The following XPO4 variants were observed in gnomAD, a reference collection of about 807,000 sequenced individuals.
XPO4 encodes exportin 4, also known as exportin-4.
A neutral mutation model predicts 143.0 loss-of-function variants in XPO4; 39 were observed. The observed-to-expected ratio is 0.27, with a 90% CI of 0.21 to 0.36. The LOEUF is 0.36. Among genes scored for constraint, XPO4 ranks in the 10% least tolerant of loss-of-function variants. XPO4 has a pLI of 1.00. For synonymous variants in XPO4, 439 were observed against 474.0 expected, an observed-to-expected ratio of 0.93 and a Z score of 0.96; for missense variants, 907 against 1,348.0, an observed-to-expected ratio of 0.67 and a Z score of 5.12.
intron 4 of XPO4, chr13:20,851,727 A>AAAAAAAAG (rs1555339515): frequency 2.4e-6 from 2 of 843,370 alleles, no homozygotes; most frequent in African/African-American, 4.7e-5. Context: ...AAAAAAAAAA[A>AAAAAAAAG]AAAGAAAGAA....
Position 20,836,909 on chromosome 13 carries a change from T to C in XPO4, c.727+5986A>G, listed in dbSNP as rs568292383. Among the ~76,000 whole-genome samples, 7 of 152,356 alleles carry C rather than the reference T, an allele frequency of 4.6e-5. No individual in the cohort carries two copies. The East Asian group carries it at 9.6e-4, about 21-fold the overall frequency. On this transcript the variant is annotated intron_variant, in intron 6 of 22. Coordinates refer to ENST00000255305, the MANE Select transcript of XPO4 (RefSeq NM_022459.5). ...GCCCATCCTGGACATTTCATAAATA[T>C]GTTATCATATAATTTGTGGTCTTTT...
At chr13:20,859,787 A>T in intron 3 of XPO4, 11 of 816,202 alleles carry the variant, frequency 1.3e-5, no homozygotes, top group Non-Finnish European at 1.2e-5. Context: ...AAAAAAATTA[A>T]AAAAAAAAAA....
At position 20,799,350 on chromosome 13, in the gene XPO4, A is replaced by G. The variant is rs774621149; in HGVS notation, c.2148-11T>C. 1.7e-5 allele frequency: 27 copies of G among 1,610,404 alleles called. 1 individual carries two copies. In the South Asian group the frequency reaches 2.9e-4, roughly 17 times the overall value. ...ATTACTAAGTTTGCCCTACAGGTAG[A>G]AATAACAAAACATAAGATGTATTAC... On this transcript the variant is annotated splice_polypyrimidine_tract_variant and intron_variant, in intron 15 of 22. Coordinates refer to ENST00000255305, the MANE Select transcript of XPO4 (RefSeq NM_022459.5).
intron 14 of XPO4, 111 bp from the exon 15 acceptor site, chr13:20,800,436 T>A (rs1189115963): frequency 8.9e-6 from 9 of 1,012,156 alleles, no homozygotes; most frequent in Admixed American, 5.3e-5. Context: ...TAGTGCTTAC[T>A]TCACATCAAC....
intron 1 of XPO4, chr13:20,869,445 A>AAATAC: frequency 4.6e-6 from 4 of 866,332 alleles, no homozygotes; most frequent in Non-Finnish European, 5.5e-6. Context: ...TAAGACTTAC[A>AAATAC]AATACTTAAT....
intron 1 of XPO4, among the ~76,000 whole-genome samples, chr13:20,873,099 T>G (rs987370341): frequency 9.5e-5 from 6 of 63,304 alleles, no homozygotes; most frequent in African/African-American, 2.5e-4. Context: ...TCCAAGGATC[T>G]TCAAAAAAAA....
intron 4 of XPO4, among the ~76,000 whole-genome samples, chr13:20,847,124 A>G (rs904814793): frequency 1.3e-5 from 2 of 152,204 alleles, no homozygotes; most frequent in Non-Finnish European, 2.9e-5. Context: ...TAATCATACT[A>G]CACTAGTCTG....
At chr13:20,902,609 G>A (rs2060632571) in intron 1 of XPO4, 61 bp downstream of exon 1, 7 of 1,491,782 alleles carry the variant, frequency 4.7e-6, no homozygotes, top group Non-Finnish European at 6.3e-6. Context: ...GCAAGGCCTG[G>A]AGTGGCAGGG....
At chr13:20,800,124 C>G in intron 15 of XPO4, 32 bp downstream of exon 15, 1 of 1,612,226 alleles carries the variant, frequency 6.2e-7, no homozygotes, top group Non-Finnish European at 8.5e-7. Context: ...CACACACATA[C>G]ACACACAGTC....
At chr13:20,885,306 C>T (rs1299550513) in intron 1 of XPO4, among the ~76,000 whole-genome samples, 2 of 152,090 alleles carry the variant, frequency 1.3e-5, no homozygotes, top group African/African-American at 2.4e-5. Flanking sequence ...ACAGAATATA[C>T]ATATTATCTT....
intron 2 of XPO4, chr13:20,866,112 G>T (rs1196468388): frequency 4.1e-6 from 4 of 985,004 alleles, no homozygotes; most frequent in Admixed American, 6.2e-5. Flanking sequence ...GAACTCACTT[G>T]TTTTTTTAAA....
Position 20,800,954 on chromosome 13 carries a change from T to C in XPO4, c.1854A>G (p.Glu618=). Residue 618 remains glutamate (E), a synonymous_variant, in exon 14 of 23, where the codon GAA becomes GAG. Coordinates refer to ENST00000255305, the MANE Select transcript of XPO4 (RefSeq NM_022459.5). Reference sequence around the variant, plus strand: ...TGAGATCTGCTCTTATTGCTCGAGATTCAACTTCTGAAACTCTGAGAATGG... The same window carrying C: ...TGAGATCTGCTCTTATTGCTCGAGACTCAACTTCTGAAACTCTGAGAATGG... ...LSAILRVSEV[E]SRAIRADLTH... is the part of the protein sequence containing the mutation. 2 of 1,613,972 alleles carry C rather than the reference T, an allele frequency of 1.2e-6. No homozygotes were observed. Among genetic ancestry groups the C allele is most frequent in the Non-Finnish European group, 1.7e-6 (2 of 1,179,962 alleles).
At chr13:20,883,462 T>C (rs960314049) in intron 1 of XPO4, among the ~76,000 whole-genome samples, 3 of 152,168 alleles carry the variant, frequency 2.0e-5, no homozygotes, top group Non-Finnish European at 2.9e-5. Flanking sequence ...AAAAAGATAT[T>C]TGTAAGGCAT....
intron 1 of XPO4, among the ~76,000 whole-genome samples, chr13:20,878,054 A>C (rs557392042): frequency 6.6e-6 from 1 of 152,240 alleles, no homozygotes; most frequent in Admixed American, 6.5e-5. Flanking sequence ...AAAATTAGCC[A>C]GTCGTGGTAG....
chr13:20,785,972 AAG>A (rs1163373785), intron 22 of XPO4, among the ~76,000 whole-genome samples: 19 of 108,066 alleles, frequency 1.8e-4, no homozygotes, highest in Non-Finnish European at 3.4e-4. Context: ...AGAAAAGAAA[AAG>A]AGAGGAAGGA....
intron 9 of XPO4, 91 bp from the exon 10 acceptor site, chr13:20,810,058 T>A: frequency 8.9e-7 from 1 of 1,126,272 alleles, no homozygotes. Flanking sequence ...TAGTTTAAAT[T>A]TTTCCTTTAA....
chr13:20,797,135 T>G, intron 16 of XPO4, 78 bp from the exon 17 acceptor site: 2 of 1,369,364 alleles, frequency 1.5e-6, no homozygotes, highest in Non-Finnish European at 2.0e-6. Context: ...ATATTCACTT[T>G]CCAAAACATT....
intron 6 of XPO4, among the ~76,000 whole-genome samples, chr13:20,829,939 T>C (rs1458876042): frequency 1.3e-5 from 2 of 152,224 alleles, no homozygotes; most frequent in African/African-American, 2.4e-5. Context: ...ATAAAAAGCA[T>C]ATACTCTATT....
chr13:20,862,475 AGCTTTTTAAATTTTTTTTCTTTTTTT>A (rs1434767127), intron 3 of XPO4, among the ~76,000 whole-genome samples: 2 of 152,158 alleles, frequency 1.3e-5, no homozygotes, highest in African/African-American at 4.8e-5. Context: ...AAACATCTAG[AGCTTTTTAAATTTTTTTTCTTTTTTT>A]GTACTTAGTA....
Sources: gnomAD v4.1 joint callset for allele counts (sites outside exome capture counted in the v4.1 genomes callset) on GRCh38, gnomAD v4.1.1 for gene constraint, MANE v1.5 for transcripts, NCBI Gene and HGNC (gene_info 2026-07-23, HGNC 2026-07-21) for gene names.